Variants in CORO7 observed in about 807,000 individuals in gnomAD.
CORO7 encodes coronin-7.
A neutral mutation model predicts 126.6 loss-of-function variants in CORO7; 107 were observed. That is an observed-to-expected ratio of 0.85 (90% CI 0.72 to 0.99). The LOEUF (loss-of-function observed/expected upper bound fraction) is 0.99, where lower values mean the gene tolerates loss of function less well. Ranked by LOEUF, CORO7 falls within the 50% of genes least tolerant of loss-of-function variation. The pLI is 0.00. For missense variants in CORO7, 1,314 were observed against 1,255.8 expected, an observed-to-expected ratio of 1.05 and a Z score of -0.70; for synonymous variants, 603 against 536.8, an observed-to-expected ratio of 1.12 and a Z score of -1.70.
rs1183302874 is a variant in CORO7, at chr16:4,355,126, C to T, written c.*32G>A. Reference sequence around the variant, plus strand: ...TGAGGTGTGCACTAGGAAGTGGCAGCACAGGTGAGGTGGAGGTGACGGGGG... The same window carrying T: ...TGAGGTGTGCACTAGGAAGTGGCAGTACAGGTGAGGTGGAGGTGACGGGGG... On this transcript the variant is annotated 3_prime_UTR_variant, in exon 28 of 28. Transcript: ENST00000251166. 2.0e-6 allele frequency: 3 copies of T among 1,487,800 alleles called. No homozygotes were observed. In the East Asian group the frequency reaches 7.2e-5, roughly 36 times the overall value. 92.2% of individuals were successfully genotyped at this position (1,487,800 alleles called of 1,614,324 possible).
intron 9 of CORO7, chr16:4,383,308 A>T (rs2055070399): frequency 4.7e-6 from 1 of 213,896 alleles, no homozygotes; most frequent in Admixed American, 6.0e-5. Flanking sequence ...GTGTGACTCT[A>T]GTCTTGGCCC....
chr16:4,370,325 G>A (rs1382599827), intron 9 of CORO7, among the ~76,000 whole-genome samples: 1 of 152,254 alleles, frequency 6.6e-6, no homozygotes, highest in Non-Finnish European at 1.5e-5. Context: ...CAGCTTGGCA[G>A]GAGGCAGCAG....
intron 2 of CORO7, 174 bp from the exon 3 acceptor site, chr16:4,412,604 C>CAAATACA (rs2056253031): frequency 1.6e-6 from 1 of 644,206 alleles, no homozygotes; most frequent in African/African-American, 1.8e-5. Flanking sequence ...AGGTTCTGGC[C>CAAATACA]CCATGCATGA....
intron 6 of CORO7, among the ~76,000 whole-genome samples, chr16:4,396,011 T>TGTGTGTGTGTGTAC (rs1370006818): frequency 4.9e-4 from 74 of 151,666 alleles, no homozygotes; most frequent in African/African-American, 1.8e-3. Context: ...TGTGTGTGTG[T>TGTGTGTGTGTGTAC]ACACAAACAT....
At chr16:4,386,596 G>A (rs2055201621) in intron 9 of CORO7, among the ~76,000 whole-genome samples, 1 of 152,184 alleles carries the variant, frequency 6.6e-6, no homozygotes, top group South Asian at 2.1e-4. Flanking sequence ...AGGCGGGGCG[G>A]GTCCCACTGA....
chr16:4,355,874 T>C (rs1275884497), intron 26 of CORO7, among the ~76,000 whole-genome samples: 2 of 152,192 alleles, frequency 1.3e-5, no homozygotes, highest in East Asian at 3.9e-4. Flanking sequence ...ACTTTCTGGG[T>C]GCAAGCAATT....
intron 23 of CORO7, 151 bp downstream of exon 23, chr16:4,359,142 CTCT>C (rs2054075473): frequency 1.3e-6 from 1 of 785,212 alleles, no homozygotes; most frequent in East Asian, 2.9e-5. Context: ...CCAGCAGCAA[CTCT>C]TCTTGCCAGT....
chr16:4,392,223 T>A (rs557173150), intron 7 of CORO7, among the ~76,000 whole-genome samples: 3 of 152,194 alleles, frequency 2.0e-5, no homozygotes, highest in East Asian at 3.9e-4. Context: ...CTCCAGGGCC[T>A]CACCCAGCCC....
intron 7 of CORO7, among the ~76,000 whole-genome samples, chr16:4,394,736 A>G (rs1053783748): frequency 6.6e-6 from 1 of 152,200 alleles, no homozygotes; most frequent in Admixed American, 6.5e-5. Context: ...TCCTGCCTAC[A>G]AGGTCTCTGT....
chr16:4,385,161 C>T (rs2055152506), intron 9 of CORO7, among the ~76,000 whole-genome samples: 1 of 152,302 alleles, frequency 6.6e-6, no homozygotes, highest in East Asian at 1.9e-4. Context: ...TGGGGGTGTG[C>T]GAGCCCCCAT....
At chr16:4,390,532 A>G (rs1245764835) in intron 7 of CORO7, among the ~76,000 whole-genome samples, 1 of 152,214 alleles carries the variant, frequency 6.6e-6, no homozygotes, top group African/African-American at 2.4e-5. Context: ...TGGCATCTGC[A>G]AAGAGTTGGA....
intron 7 of CORO7, among the ~76,000 whole-genome samples, chr16:4,394,077 G>A (rs1367732588): frequency 2.0e-5 from 3 of 151,976 alleles, no homozygotes; most frequent in African/African-American, 7.3e-5. Context: ...CTCCAGCCTG[G>A]GTGAAAGAGC....
At chr16:4,365,816 G>C (rs151130244) in intron 9 of CORO7, among the ~76,000 whole-genome samples, 37 of 152,246 alleles carry the variant, frequency 2.4e-4, no homozygotes, top group African/African-American at 8.7e-4. Context: ...ACTCGGGCCC[G>C]ATCTCAGCCA....
At chr16:4,407,237 C>G (rs936057255) in intron 5 of CORO7, among the ~76,000 whole-genome samples, 1 of 151,144 alleles carries the variant, frequency 6.6e-6, no homozygotes, top group African/African-American at 2.4e-5. Context: ...CATGAGCCAC[C>G]GCGCCCGGCC....
rs538984794 is a variant in CORO7, at chr16:4,407,748, G to A, written c.304-64C>T. The A allele has an allele frequency of 5.4e-6, 8 of 1,480,882 alleles. No homozygotes were observed. The East Asian group carries it at 7.1e-5, about 13-fold the overall frequency. The allele number at this position is 1,480,882 out of a possible 1,614,324, so 91.7% of individuals were successfully genotyped here. ...GCCTCACTGCCTTGAGTCAGCTGCC[G>A]TGACCCCAGTGAGGTCCCGTGTTGG... is the stretch of plus-strand genomic sequence containing the variant. On this transcript the variant is annotated intron_variant, in intron 4 of 27. Coordinates refer to ENST00000251166, the MANE Select transcript of CORO7 (RefSeq NM_024535.5).
intron 5 of CORO7, among the ~76,000 whole-genome samples, chr16:4,406,771 C>A (rs2056014096): frequency 6.6e-6 from 1 of 151,558 alleles, no homozygotes; most frequent in Non-Finnish European, 1.5e-5. Flanking sequence ...TCCTGAGTAG[C>A]TGGGATTACA....
At chr16:4,377,641 C>G (rs2054789490) in intron 9 of CORO7, among the ~76,000 whole-genome samples, 1 of 152,210 alleles carries the variant, frequency 6.6e-6, no homozygotes, top group South Asian at 2.1e-4. Context: ...TCAGCCTTCC[C>G]TCGCTGGGTT....
In CORO7 at chr16:4,364,755, C is replaced by T. The variant is rs1343410716; in HGVS notation, c.1044+20G>A. 3 of 1,605,952 alleles carry T rather than the reference C, an allele frequency of 1.9e-6. No homozygotes were observed. The highest frequency in any genetic ancestry group is 1.1e-5 in the South Asian group (1 of 89,970). ...CCCGACTCCCCAGCCCCCGCAGTCCCTCGCCCAAGTCCCCCTCACCTTGCG... is the reference window on the plus strand; with the variant it reads ...CCCGACTCCCCAGCCCCCGCAGTCCTTCGCCCAAGTCCCCCTCACCTTGCG... On this transcript the variant is annotated intron_variant, in intron 12 of 27. Coordinates refer to ENST00000251166, the MANE Select transcript of CORO7 (RefSeq NM_024535.5).
chr16:4,393,529 T>C (rs2055472159), intron 7 of CORO7, among the ~76,000 whole-genome samples: 1 of 152,234 alleles, frequency 6.6e-6, no homozygotes, highest in Admixed American at 6.5e-5. Context: ...CTGTACCGTT[T>C]GGACTAAAAA....
Sources: gnomAD v4.1 joint callset for allele counts (sites outside exome capture counted in the v4.1 genomes callset) on GRCh38, gnomAD v4.1.1 for gene constraint, MANE v1.5 for transcripts, NCBI Gene and HGNC (gene_info 2026-07-23, HGNC 2026-07-21) for gene names.